AMY2B: variants seen among roughly 807,000 people sequenced by gnomAD.
AMY2B encodes amylase alpha 2B.
Under a neutral mutation model 59.3 loss-of-function variants are expected in AMY2B, and 63 were observed. The observed-to-expected ratio is 1.06, with a 90% confidence interval of 0.87 to 1.31. The LOEUF (loss-of-function observed/expected upper bound fraction) is 1.31. AMY2B is among the 50% of genes most tolerant of loss of function. AMY2B has a pLI of 0.00. For synonymous variants in AMY2B, 180 were observed against 198.1 expected (o/e 0.91, Z 0.77); for missense variants, 635 against 626.7 (o/e 1.01, Z -0.14).
chr1:103,561,865 TG>T (rs1336353467), intron 1 of AMY2B: 2 of 152,038 alleles, frequency 1.3e-5, no homozygotes, highest in Non-Finnish European at 2.9e-5. Flanking sequence ...GTTGTAATAC[TG>T]GAGTTCAGAG....
Position 103,573,048 on chromosome 1 carries a change from A to G in AMY2B, c.316-15A>G. 6.2e-7 allele frequency: 1 copy of G among 1,613,104 alleles called. No homozygotes were observed. The highest frequency in any genetic ancestry group is 1.7e-5 in the Admixed American group (1 of 60,002). On this transcript the variant is annotated splice_polypyrimidine_tract_variant and intron_variant, in intron 2 of 9. Transcript: ENST00000684275. Reference sequence around the variant, plus strand: ...TCTCTGTAAGTCACACTGAAGTAGAAACTTTGCTTTCTAGGTTCGTATTTA... The same window carrying G: ...TCTCTGTAAGTCACACTGAAGTAGAGACTTTGCTTTCTAGGTTCGTATTTA...
upstream of AMY2B, chr1:103,568,472 C>A (rs373701041): frequency 1.1e-4 from 16 of 152,204 alleles, no homozygotes; most frequent in African/African-American, 3.6e-4. Context: ...TTAGTTTCTC[C>A]AATTCATGGG....
At chr1:103,574,928 TATATTTGTAATATGAATATAAGTATTCC>T (rs1652285576) in intron 5 of AMY2B, among the ~76,000 whole-genome samples, 1 of 151,436 alleles carries the variant, frequency 6.6e-6, no homozygotes, top group South Asian at 2.1e-4. Flanking sequence ...ACAAAAATCT[TATATTTGTAATATGAATATAAGTATTCC>T]ATACTTGTAT....
At chr1:103,574,128 AAAT>A (rs1288751974) in intron 4 of AMY2B, 129 bp from the exon 5 acceptor site, 3 of 1,478,650 alleles carry the variant, frequency 2.0e-6, no homozygotes, top group South Asian at 1.3e-5. Flanking sequence ...AGACAAAAAG[AAAT>A]AATAAATAGC....
At chr1:103,573,967 T>C (rs559042145) in intron 4 of AMY2B, 29 bp downstream of exon 4, 3 of 1,613,544 alleles carry the variant, frequency 1.9e-6, no homozygotes, top group African/African-American at 1.3e-5. Context: ...GCATATAAAA[T>C]ATCATCTTAT....
chr1:103,571,433 A>G (rs1652125900), upstream of AMY2B: 4 of 1,399,244 alleles, frequency 2.9e-6, no homozygotes, highest in Admixed American at 7.4e-5. Flanking sequence ...TCCATGAGAG[A>G]CTTTTTAATG....
intron 1 of AMY2B, among the ~76,000 whole-genome samples, chr1:103,557,547 G>A (rs1228183702): frequency 2.6e-5 from 4 of 151,838 alleles, no homozygotes; most frequent in African/African-American, 4.8e-5. Flanking sequence ...CCAGCTACTC[G>A]GGAGGCTGAG....
chr1:103,554,678 T>C (rs536616737), upstream of AMY2B: 81 of 152,700 alleles, frequency 5.3e-4, no homozygotes, highest in African/African-American at 1.9e-3. Flanking sequence ...AACCTAGCCA[T>C]CCAACCTTAT....
Position 103,561,392 on chromosome 1 carries a change from T to G in AMY2B, c.-206-4043T>G, listed in dbSNP as rs573464945. 1.7e-4 allele frequency among the ~76,000 whole-genome samples: 26 copies of G among 152,130 alleles called. No homozygotes were observed. The East Asian group carries it at 5.0e-3, about 30-fold the overall frequency. On this transcript the variant is annotated intron_variant, in intron 1 of 11. Coordinates refer to the AMY2B transcript ENST00000361355. ...AAGCAATTCTCCTGCCTCTGCCTCC[T>G]AAGTAGCTGGGATTACAGGTGCCAG...
intron 5 of AMY2B, among the ~76,000 whole-genome samples, chr1:103,574,834 G>A (rs991203589): frequency 4.6e-5 from 7 of 151,366 alleles, no homozygotes; most frequent in Non-Finnish European, 1.0e-4. Context: ...TTGACATTCC[G>A]TAAAATGTGA....
chr1:103,557,147 C>G (rs557186585), intron 1 of AMY2B, among the ~76,000 whole-genome samples: 5 of 150,552 alleles, frequency 3.3e-5, no homozygotes, highest in Non-Finnish European at 5.9e-5. Flanking sequence ...AGCGTGCGCG[C>G]GCGCACACAC....
chr1:103,555,220 T>C (rs1291161676), intron 1 of AMY2B: 1 of 152,004 alleles, frequency 6.6e-6, no homozygotes, highest in South Asian at 2.1e-4. Flanking sequence ...ATATAATAAA[T>C]TGTTTCCTTT....
intron 2 of AMY2B, among the ~76,000 whole-genome samples, 156 bp from the exon 3 acceptor site, chr1:103,572,907 C>CT (rs1652191953): frequency 6.6e-6 from 1 of 152,146 alleles, no homozygotes; most frequent in African/African-American, 2.4e-5. Context: ...GTTCACATTA[C>CT]TTCTTCACAG....
At chr1:103,557,675 AT>A (rs910385021) in intron 1 of AMY2B, among the ~76,000 whole-genome samples, 61 of 152,206 alleles carry the variant, frequency 4.0e-4, no homozygotes, top group African/African-American at 1.4e-3. Context: ...TACATAAGAA[AT>A]TTTAATTTTT....
At chr1:103,575,811 G>A (rs1347400199) in intron 7 of AMY2B, 8 of 389,044 alleles carry the variant, frequency 2.1e-5, no homozygotes, top group Non-Finnish European at 3.6e-5. Flanking sequence ...TAAGAGCTAG[G>A]CACAGGGATT....
intron 1 of AMY2B, among the ~76,000 whole-genome samples, chr1:103,556,046 G>A (rs187590724): frequency 6.6e-6 from 1 of 152,234 alleles, no homozygotes; most frequent in East Asian, 1.9e-4. Context: ...GTAAATAGGA[G>A]CATGTCAAAT....
At chr1:103,570,085 G>A, upstream of AMY2B, 1 of 433,886 alleles carries the variant, frequency 2.3e-6, no homozygotes, top group South Asian at 1.9e-5. Flanking sequence ...TCTGCATCTG[G>A]ACCTGGCTGG....
At chr1:103,570,801 G>C, upstream of AMY2B, 1 of 454,276 alleles carries the variant, frequency 2.2e-6, no homozygotes, top group Middle Eastern at 7.2e-4. Flanking sequence ...AAAATAAGTT[G>C]TCTTTAAAGC....
At chr1:103,557,518 G>T (rs1405758379) in intron 1 of AMY2B, among the ~76,000 whole-genome samples, 1 of 152,024 alleles carries the variant, frequency 6.6e-6, no homozygotes, top group Admixed American at 6.6e-5. Context: ...GCTGGGCATG[G>T]TGGCTCATGC....
Sources: gnomAD v4.1 joint callset for allele counts (sites outside exome capture counted in the v4.1 genomes callset) on GRCh38, gnomAD v4.1.1 for gene constraint, MANE v1.5 for transcripts, NCBI Gene and HGNC (gene_info 2026-07-23, HGNC 2026-07-21) for gene names.